Variants in KCNQ5 observed in about 807,000 individuals in gnomAD.
The protein encoded by KCNQ5 is potassium voltage-gated channel subfamily KQT member 5.
In KCNQ5, 30 loss-of-function variants were observed where a neutral mutation model predicts 98.2. The observed-to-expected ratio is 0.31, with a 90% CI of 0.23 to 0.41. KCNQ5 has a LOEUF of 0.41. KCNQ5 is among the 10% of genes least tolerant of loss of function. The probability of loss-of-function intolerance (pLI) is 1.00; values close to 1 mark genes in which losing one functional copy is unlikely to be tolerated. For synonymous variants in KCNQ5, 458 were observed against 449.4 expected (o/e 1.02, Z -0.24); for missense variants, 835 against 1,182.5 (o/e 0.71, Z 4.31).
intron 5 of KCNQ5, among the ~76,000 whole-genome samples, chr6:73,100,101 C>G (rs1774700210): frequency 6.6e-6 from 1 of 152,066 alleles, no homozygotes; most frequent in African/African-American, 2.4e-5. Flanking sequence ...ACCAATGGGT[C>G]AATGAAGAGA....
intron 10 of KCNQ5, among the ~76,000 whole-genome samples, chr6:73,164,872 G>A (rs12206282): frequency 0.095 from 14,498 of 152,142 alleles, 722 homozygotes; most frequent in African/African-American, 0.12. Flanking sequence ...GATATGAGAA[G>A]AGACTAAGAT....
At chr6:72,927,596 G>C (rs1048245479) in intron 1 of KCNQ5, among the ~76,000 whole-genome samples, 4 of 151,938 alleles carry the variant, frequency 2.6e-5, no homozygotes, top group African/African-American at 9.7e-5. Context: ...GGGTCAAGTA[G>C]ATAAGAAAAT....
intron 12 of KCNQ5, among the ~76,000 whole-genome samples, chr6:73,191,515 CA>C (rs1765587853): frequency 6.6e-6 from 1 of 152,160 alleles, no homozygotes; most frequent in Non-Finnish European, 1.5e-5. Context: ...ATTACCAGCA[CA>C]AATTACCAGC....
At chr6:72,656,327 T>C (rs1451958896) in intron 1 of KCNQ5, among the ~76,000 whole-genome samples, 8 of 152,206 alleles carry the variant, frequency 5.3e-5, no homozygotes, top group Non-Finnish European at 1.0e-4. Context: ...TCACCCACTG[T>C]AACTTGAACG....
At chr6:72,930,257 A>G (rs552620260) in intron 1 of KCNQ5, among the ~76,000 whole-genome samples, 18 of 152,274 alleles carry the variant, frequency 1.2e-4, no homozygotes, top group Middle Eastern at 3.4e-3. Context: ...ACCTAGAGAA[A>G]AAGATATCCA....
intron 1 of KCNQ5, among the ~76,000 whole-genome samples, chr6:72,809,080 A>G (rs1775100965): frequency 6.6e-6 from 1 of 151,748 alleles, no homozygotes; most frequent in African/African-American, 2.4e-5. Flanking sequence ...TGATGAGTTC[A>G]TGTCCTTTGT....
intron 1 of KCNQ5, among the ~76,000 whole-genome samples, chr6:72,698,492 C>A (rs767141984): frequency 2.2e-4 from 33 of 151,906 alleles, no homozygotes; most frequent in Non-Finnish European, 4.1e-4. Flanking sequence ...TGTGAGCCAC[C>A]GCACCTGGCT....
At chr6:72,925,094 TTC>T (rs747540051) in intron 1 of KCNQ5, among the ~76,000 whole-genome samples, 5 of 152,172 alleles carry the variant, frequency 3.3e-5, no homozygotes, top group Non-Finnish European at 7.4e-5. Flanking sequence ...CTGTTGAAAA[TTC>T]TCTCTCAGTA....
intron 1 of KCNQ5, among the ~76,000 whole-genome samples, chr6:72,812,113 G>A (rs1459387617): frequency 6.6e-6 from 1 of 152,202 alleles, no homozygotes; most frequent in East Asian, 1.9e-4. Context: ...ATAATGAGCA[G>A]TGAAGATGAC....
intron 3 of KCNQ5, among the ~76,000 whole-genome samples, chr6:73,052,754 A>G (rs1174791712): frequency 6.6e-6 from 1 of 152,238 alleles, no homozygotes; most frequent in African/African-American, 2.4e-5. Flanking sequence ...AAATATGGAA[A>G]GGAAAGATTA....
At chr6:73,103,149 C>A (rs879669460) in intron 5 of KCNQ5, among the ~76,000 whole-genome samples, 3 of 152,150 alleles carry the variant, frequency 2.0e-5, no homozygotes, top group Non-Finnish European at 2.9e-5. Context: ...TCATTTGCAG[C>A]AACATGGATG....
At chr6:72,935,551 T>C (rs1765879525) in intron 1 of KCNQ5, among the ~76,000 whole-genome samples, 1 of 152,216 alleles carries the variant, frequency 6.6e-6, no homozygotes, top group Admixed American at 6.5e-5. Flanking sequence ...CTTTGCATGA[T>C]TAGTTGTTTC....
chr6:73,065,168 G>A (rs757392934), intron 3 of KCNQ5, among the ~76,000 whole-genome samples: 6 of 151,846 alleles, frequency 4.0e-5, no homozygotes, highest in Non-Finnish European at 7.4e-5. Flanking sequence ...TGGCCATAAC[G>A]GACAAGTAGT....
intron 1 of KCNQ5, among the ~76,000 whole-genome samples, chr6:72,911,702 G>T (rs1357191080): frequency 2.0e-5 from 3 of 152,114 alleles, no homozygotes; most frequent in African/African-American, 7.2e-5. Context: ...GGGCCAGCAT[G>T]GTAGCTGTCA....
intron 5 of KCNQ5, among the ~76,000 whole-genome samples, chr6:73,098,588 G>T (rs556972050): frequency 6.6e-6 from 1 of 152,302 alleles, no homozygotes; most frequent in African/African-American, 2.4e-5. Flanking sequence ...GGCCAGGAAA[G>T]AGTGGCATGG....
At chr6:73,025,832 A>G (rs1770855830) in intron 2 of KCNQ5, among the ~76,000 whole-genome samples, 1 of 152,244 alleles carries the variant, frequency 6.6e-6, no homozygotes, top group South Asian at 2.1e-4. Context: ...TTGTCCGTTC[A>G]TGGCCACGTT....
At chr6:72,807,281 T>G (rs1292434771) in intron 1 of KCNQ5, among the ~76,000 whole-genome samples, 2 of 152,182 alleles carry the variant, frequency 1.3e-5, no homozygotes, top group African/African-American at 4.8e-5. Flanking sequence ...TTTTTATTTT[T>G]AACCTCACCA....
intron 1 of KCNQ5, among the ~76,000 whole-genome samples, chr6:72,960,282 C>T (rs967163394): frequency 2.4e-4 from 36 of 152,262 alleles, no homozygotes; most frequent in African/African-American, 8.4e-4. Context: ...CCCATGATGT[C>T]AATTTATAAA....
At chr6:73,170,056 C>T (rs1019607199) in intron 11 of KCNQ5, among the ~76,000 whole-genome samples, 7 of 151,858 alleles carry the variant, frequency 4.6e-5, no homozygotes, top group South Asian at 2.1e-4. Context: ...AGTTATAAAA[C>T]GTGGGTGGGA....
Sources: allele counts gnomAD v4.1 joint callset (sites outside exome capture counted in the v4.1 genomes callset), GRCh38; gene constraint gnomAD v4.1.1; transcripts MANE v1.5; gene names NCBI Gene and HGNC (gene_info 2026-07-23, HGNC 2026-07-21).